Variants in FAT3 observed in about 807,000 individuals in gnomAD.
The protein encoded by FAT3 is protocadherin Fat 3.
In FAT3, 95 loss-of-function variants were observed where a neutral mutation model predicts 310.2. The observed-to-expected ratio is 0.31, with a 90% CI of 0.26 to 0.36. The LOEUF (loss-of-function observed/expected upper bound fraction) is 0.36. Ranked by LOEUF, FAT3 falls within the 10% of genes least tolerant of loss-of-function variation. The pLI, the probability that FAT3 is intolerant of heterozygous loss-of-function variation, is 1.00. For synonymous variants in FAT3, 2,314 were observed against 2,192.9 expected (o/e 1.06, Z -1.54); for missense variants, 5,408 against 5,715.6 (o/e 0.95, Z 1.74).
At chr11:92,666,684 T>C (rs1278371373) in intron 3 of FAT3, among the ~76,000 whole-genome samples, 1 of 152,056 alleles carries the variant, frequency 6.6e-6, no homozygotes, top group Admixed American at 6.6e-5. Flanking sequence ...AGACACATTC[T>C]TAAGGGGTAG....
intron 19 of FAT3, among the ~76,000 whole-genome samples, chr11:92,850,403 A>G (rs1948795094): frequency 6.6e-6 from 1 of 152,134 alleles, no homozygotes; most frequent in African/African-American, 2.4e-5. Flanking sequence ...TGCCCCAGAG[A>G]GGAGGTCTTG....
chr11:92,702,617 T>C (rs1944134090), intron 4 of FAT3, among the ~76,000 whole-genome samples: 1 of 152,184 alleles, frequency 6.6e-6, no homozygotes, highest in Non-Finnish European at 1.5e-5. Flanking sequence ...CACTGCCAGT[T>C]CCCTTTCTTT....
chr11:92,507,259 A>G (rs983021934), intron 2 of FAT3, among the ~76,000 whole-genome samples: 2 of 152,178 alleles, frequency 1.3e-5, no homozygotes, highest in Admixed American at 1.3e-4. Flanking sequence ...GAACAATCCA[A>G]GAAATCTATA....
chr11:92,230,710 CT>C (rs1864142364), intron 1 of FAT3, among the ~76,000 whole-genome samples: 2 of 152,198 alleles, frequency 1.3e-5, no homozygotes, highest in African/African-American at 4.8e-5. Flanking sequence ...ATATCCATTG[CT>C]TCTGCTTCGT....
chr11:92,372,005 C>G lies in FAT3; in HGVS notation c.3292+16601C>G, dbSNP rs79249595. ...GTCACAGCTTCACAACAATACTCAGCCTGTTTTCAGTTGCTCTGCCTGTCT... is the reference window on the plus strand; with the variant it reads ...GTCACAGCTTCACAACAATACTCAGGCTGTTTTCAGTTGCTCTGCCTGTCT... On this transcript the variant is annotated intron_variant, in intron 2 of 27. Coordinates refer to ENST00000525166, the MANE Select transcript of FAT3 (RefSeq NM_001367949.2). Among the ~76,000 whole-genome samples, 414 of 152,316 alleles carry G rather than the reference C, an allele frequency of 2.7e-3. 1 individual carries two copies. Among genetic ancestry groups the G allele is most frequent in the Non-Finnish European group, 3.7e-3 (254 of 68,036 alleles).
intron 1 of FAT3, among the ~76,000 whole-genome samples, chr11:92,227,830 C>T (rs1411039045): frequency 2.0e-5 from 3 of 147,712 alleles, no homozygotes; most frequent in African/African-American, 5.0e-5. Flanking sequence ...GAAACCAGGG[C>T]TCTAAGAGAC....
At chr11:92,805,950 T>A (rs7121309) in intron 11 of FAT3, among the ~76,000 whole-genome samples, 1 of 152,332 alleles carries the variant, frequency 6.6e-6, no homozygotes, top group East Asian at 1.9e-4. Flanking sequence ...TAATCTCTCA[T>A]ACTAATGCCA....
chr11:92,471,486 A>C (rs2135150935), intron 2 of FAT3, among the ~76,000 whole-genome samples: 1 of 152,298 alleles, frequency 6.6e-6, no homozygotes, highest in Non-Finnish European at 1.5e-5. Flanking sequence ...GAGACAAATT[A>C]AAATGACAAG....
At chr11:92,244,997 A>T (rs1316063963) in intron 1 of FAT3, among the ~76,000 whole-genome samples, 2 of 152,104 alleles carry the variant, frequency 1.3e-5, no homozygotes, top group African/African-American at 4.8e-5. Context: ...CTGGGTATAT[A>T]CCCAAAGGAT....
At chr11:92,595,097 T>G (rs1027410040) in intron 3 of FAT3, among the ~76,000 whole-genome samples, 1 of 152,082 alleles carries the variant, frequency 6.6e-6, no homozygotes, top group Non-Finnish European at 1.5e-5. Flanking sequence ...GTGCATGCCT[T>G]ATTTTTCACT....
chr11:92,406,010 T>C (rs1320108901), intron 2 of FAT3, among the ~76,000 whole-genome samples: 1 of 152,252 alleles, frequency 6.6e-6, no homozygotes, highest in Non-Finnish European at 1.5e-5. Flanking sequence ...TTTCAAGACA[T>C]ATTCTTGAAA....
chr11:92,455,764 A>G (rs908022516), intron 2 of FAT3, among the ~76,000 whole-genome samples: 2 of 152,182 alleles, frequency 1.3e-5, no homozygotes, highest in Non-Finnish European at 2.9e-5. Flanking sequence ...CCTTATTTAC[A>G]TGATGGGAAT....
chr11:92,828,753 C>T (rs191415583), intron 13 of FAT3, among the ~76,000 whole-genome samples: 27 of 152,272 alleles, frequency 1.8e-4, no homozygotes, highest in African/African-American at 6.3e-4. Context: ...CCTGTAAACG[C>T]AGCACTCCAA....
At chr11:92,723,042 G>C (rs1490991164) in intron 4 of FAT3, among the ~76,000 whole-genome samples, 1 of 152,166 alleles carries the variant, frequency 6.6e-6, no homozygotes, top group Non-Finnish European at 1.5e-5. Context: ...GCTCCTTGTT[G>C]CTTGTGCAAA....
chr11:92,530,342 C>G (rs781673958), intron 3 of FAT3, among the ~76,000 whole-genome samples: 6 of 152,006 alleles, frequency 3.9e-5, no homozygotes, highest in Admixed American at 6.6e-5. Context: ...TAGCAAGGTT[C>G]TATATGAAAC....
Position 92,880,849 on chromosome 11 carries a change from C to G in FAT3, c.12246C>G (p.Phe4082Leu), listed in dbSNP as rs751877950. 1 of 1,613,844 alleles carries G rather than the reference C, an allele frequency of 6.2e-7. No homozygotes were observed. The highest frequency in any genetic ancestry group is 8.5e-7 in the Non-Finnish European group (1 of 1,179,872). Residue 4082 changes from phenylalanine to leucine, a missense_variant, in exon 23 of 28, where the codon TTC becomes TTG. Coordinates refer to ENST00000525166, the MANE Select transcript of FAT3 (RefSeq NM_001367949.2). ...CCTGCGATCCAATAGGAAACACTTT[C>G]ATCTGCAATTGTAAAGCTGGGCTCA... ...GGSCDPIGNTFICNCKAGLTG... is the reference protein window; with the variant it reads ...GGSCDPIGNTLICNCKAGLTG...
intron 5 of FAT3, among the ~76,000 whole-genome samples, chr11:92,763,083 C>T (rs890925655): frequency 2.0e-5 from 3 of 151,656 alleles, no homozygotes; most frequent in African/African-American, 4.8e-5. Context: ...CGCTTGAACC[C>T]GGGAGGCAGA....
At chr11:92,767,751 C>T (rs549939865) in intron 6 of FAT3, among the ~76,000 whole-genome samples, 5 of 152,298 alleles carry the variant, frequency 3.3e-5, no homozygotes, top group Non-Finnish European at 7.3e-5. Context: ...CCTGTCTCCA[C>T]TCTTAACCCC....
At chr11:92,765,720 A>G (rs974483733) in intron 6 of FAT3, among the ~76,000 whole-genome samples, 48 of 151,980 alleles carry the variant, frequency 3.2e-4, no homozygotes, top group Non-Finnish European at 6.3e-4. Context: ...TATGCCTCTA[A>G]CAACTATTGC....
Sources: allele counts gnomAD v4.1 joint callset (sites outside exome capture counted in the v4.1 genomes callset), GRCh38; gene constraint gnomAD v4.1.1; transcripts MANE v1.5; gene names NCBI Gene and HGNC (gene_info 2026-07-23, HGNC 2026-07-21).